DYM: variants seen among roughly 807,000 people sequenced by gnomAD.
DYM encodes the protein dymeclin.
DYM carries 78 observed loss-of-function variants against 93.1 expected under a neutral mutation model. The ratio of observed to expected loss-of-function variants is 0.84; its 90% CI spans 0.70 to 1.01. DYM has a LOEUF of 1.01. Ranked by LOEUF, DYM falls within the 50% of genes least tolerant of loss-of-function variation. DYM has a pLI of 0.00. For synonymous variants in DYM, 321 were observed against 319.7 expected (o/e 1.00, Z -0.04); for missense variants, 789 against 845.0 (o/e 0.93, Z 0.82).
At chr18:49,393,660 C>T (rs986451215) in intron 2 of DYM, 2 of 152,190 alleles carry the variant, frequency 1.3e-5, no homozygotes, top group African/African-American at 4.8e-5. Flanking sequence ...ATTTCAGCTA[C>T]TCGGGAGGCT....
chr18:49,189,448 C>T (rs2145649136), intron 14 of DYM, among the ~76,000 whole-genome samples: 1 of 152,240 alleles, frequency 6.6e-6, no homozygotes, highest in East Asian at 1.9e-4. Flanking sequence ...AGATAATATG[C>T]TGTTATCATA....
intron 14 of DYM, among the ~76,000 whole-genome samples, chr18:49,193,211 T>A (rs990870571): frequency 1.3e-5 from 2 of 151,850 alleles, no homozygotes; most frequent in East Asian, 1.9e-4. Context: ...TTAAAAAAAA[T>A]TAAAATAAAG....
At chr18:49,048,440 A>G (rs1005628712) in intron 17 of DYM, 12 of 152,184 alleles carry the variant, frequency 7.9e-5, no homozygotes, top group African/African-American at 2.9e-4. Context: ...CGCACTTCTC[A>G]TTGTTAGAAA....
intron 14 of DYM, among the ~76,000 whole-genome samples, chr18:49,200,135 G>A (rs529790123): frequency 6.6e-6 from 1 of 152,042 alleles, no homozygotes; most frequent in African/African-American, 2.4e-5. Flanking sequence ...ATTGCATTAT[G>A]TTAGTAGAGG....
rs1555671145 is a variant in DYM, at chr18:49,272,006, G to GGAA, written c.1251+171_1251+172insTTC. ...TTAATAGTGGTTAATAGTCATTCTG[G>GGAA]AAAAAAAAAAAAAAAAAGCACCGCT... On this transcript the variant is annotated intron_variant, in intron 11 of 17. Coordinates refer to ENST00000675505, the MANE Select transcript of DYM (RefSeq NM_001353214.3). 6.1e-4 allele frequency among the ~76,000 whole-genome samples: 82 copies of GGAA among 134,588 alleles called. 4 individuals are homozygous for GGAA. The Admixed American group carries it at 6.1e-3, about 10-fold the overall frequency. The allele number at this position is 134,588 out of a possible 152,430, so 88.3% of individuals were successfully genotyped here.
At chr18:49,180,058 T>C (rs1370770558) in intron 14 of DYM, among the ~76,000 whole-genome samples, 2 of 152,120 alleles carry the variant, frequency 1.3e-5, no homozygotes, top group Non-Finnish European at 2.9e-5. Flanking sequence ...TGTCAAGTGA[T>C]CTGTTGTATG....
intron 15 of DYM, chr18:49,126,230 T>C (rs905599955): frequency 6.6e-6 from 1 of 152,194 alleles, no homozygotes; most frequent in Admixed American, 6.5e-5. Context: ...CCCATTGGTG[T>C]TGGAAGATCA....
intron 1 of DYM, among the ~76,000 whole-genome samples, chr18:49,454,744 C>CA (rs57507210): frequency 0.23 from 32,424 of 140,720 alleles, 3,862 homozygotes; most frequent in African/African-American, 0.33. Context: ...CTAAAAATAC[C>CA]AAAAAAAAAA....
chr18:49,088,972 C>T (rs935405117), intron 17 of DYM, among the ~76,000 whole-genome samples: 1 of 151,882 alleles, frequency 6.6e-6, no homozygotes, highest in African/African-American at 2.4e-5. Context: ...TTTAGGGGGG[C>T]GTTTTAGTAG....
intron 2 of DYM, chr18:49,393,707 T>C (rs910903622): frequency 1.3e-5 from 2 of 152,006 alleles, no homozygotes; most frequent in African/African-American, 2.4e-5. Context: ...GAGGCAGAGA[T>C]TGCGGTGAGC....
chr18:49,254,344 T>G (rs1346357204), intron 13 of DYM, among the ~76,000 whole-genome samples: 1 of 144,424 alleles, frequency 6.9e-6, no homozygotes, highest in Non-Finnish European at 1.5e-5. Context: ...AGATGGGTCC[T>G]GGTCTTATTC....
intron 14 of DYM, among the ~76,000 whole-genome samples, chr18:49,191,469 G>A (rs1044313793): frequency 6.6e-5 from 10 of 151,776 alleles, no homozygotes; most frequent in South Asian, 2.1e-4. Context: ...AATCAAAACC[G>A]AACTTAGATA....
At chr18:49,046,883 T>C (rs976734790) in intron 17 of DYM, among the ~76,000 whole-genome samples, 2 of 152,154 alleles carry the variant, frequency 1.3e-5, no homozygotes, top group Non-Finnish European at 2.9e-5. Flanking sequence ...CTAAGAGTGA[T>C]ATCCTGTCTC....
intron 6 of DYM, among the ~76,000 whole-genome samples, chr18:49,360,403 T>A (rs1011289482): frequency 6.6e-6 from 1 of 151,908 alleles, no homozygotes; most frequent in African/African-American, 2.4e-5. Context: ...GGCGGGCAGA[T>A]CACAGGTCAG....
intron 13 of DYM, among the ~76,000 whole-genome samples, chr18:49,235,188 T>C (rs1463270272): frequency 6.6e-6 from 1 of 152,212 alleles, no homozygotes; most frequent in Non-Finnish European, 1.5e-5. Flanking sequence ...AAGTTTGCAG[T>C]AACTTGTTAC....
intron 14 of DYM, among the ~76,000 whole-genome samples, chr18:49,165,359 C>T (rs2087732740): frequency 6.6e-6 from 1 of 152,048 alleles, no homozygotes; most frequent in Non-Finnish European, 1.5e-5. Context: ...AGCTTAAAAA[C>T]AAAGGCAATT....
chr18:49,269,572 G>A (rs2094638540), intron 11 of DYM, among the ~76,000 whole-genome samples: 1 of 152,044 alleles, frequency 6.6e-6, no homozygotes, highest in African/African-American at 2.4e-5. Flanking sequence ...ACAGACAAAT[G>A]GATAAAGAAA....
chr18:49,144,420 G>A (rs572155846), intron 15 of DYM, among the ~76,000 whole-genome samples: 2 of 152,172 alleles, frequency 1.3e-5, no homozygotes, highest in South Asian at 2.1e-4. Flanking sequence ...CTCAATGCTC[G>A]AATCTACTAA....
intron 17 of DYM, among the ~76,000 whole-genome samples, chr18:49,052,573 G>A (rs1046729121): frequency 6.6e-6 from 1 of 152,216 alleles, no homozygotes; most frequent in African/African-American, 2.4e-5. Context: ...CATCCTGTGA[G>A]GCTAAGGGAA....
Sources: gnomAD v4.1 joint callset for allele counts (sites outside exome capture counted in the v4.1 genomes callset) on GRCh38, gnomAD v4.1.1 for gene constraint, MANE v1.5 for transcripts, NCBI Gene and HGNC (gene_info 2026-07-23, HGNC 2026-07-21) for gene names.